Variants in SGCG observed in about 807,000 individuals in gnomAD.
The protein encoded by SGCG is sarcoglycan gamma.
A neutral mutation model predicts 29.3 loss-of-function variants in SGCG; 26 were observed. That is an observed-to-expected ratio of 0.89 (90% confidence interval 0.65 to 1.23). The LOEUF is 1.23. Ranked by LOEUF, SGCG falls within the 50% of genes most tolerant of loss-of-function variation. The pLI is 0.00. For missense variants in SGCG, 353 were observed against 356.0 expected (o/e 0.99, Z 0.07); for synonymous variants, 145 against 129.7 (o/e 1.12, Z -0.80).
At chr13:23,262,873 G>A (rs1880498416) in intron 4 of SGCG, among the ~76,000 whole-genome samples, 1 of 151,892 alleles carries the variant, frequency 6.6e-6, no homozygotes, top group Non-Finnish European at 1.5e-5. Context: ...TTATACAAAT[G>A]TATGGAAATT....
chr13:23,281,184 A>G (rs1050659220), intron 5 of SGCG, among the ~76,000 whole-genome samples: 2 of 152,032 alleles, frequency 1.3e-5, no homozygotes, highest in Non-Finnish European at 2.9e-5. Flanking sequence ...AAGAAAAAGT[A>G]CAAAAATTAT....
intron 4 of SGCG, among the ~76,000 whole-genome samples, chr13:23,260,289 C>G (rs1012170508): frequency 6.6e-6 from 1 of 152,108 alleles, no homozygotes; most frequent in Non-Finnish European, 1.5e-5. Context: ...ATCCCTTTAC[C>G]ATTATGTAAT....
At chr13:23,245,926 G>T (rs767776400) in intron 3 of SGCG, 3 of 152,340 alleles carry the variant, frequency 2.0e-5, no homozygotes, top group Non-Finnish European at 4.4e-5. Context: ...TGGAGTGTCA[G>T]AGCCTCTGTA....
At chr13:23,315,884 G>A (rs1157924178) in intron 6 of SGCG, among the ~76,000 whole-genome samples, 1 of 152,154 alleles carries the variant, frequency 6.6e-6, no homozygotes, top group African/African-American at 2.4e-5. Context: ...TCCCATGTGA[G>A]TGCTCACCAA....
intron 4 of SGCG, chr13:23,267,987 G>A (rs1250528412): frequency 1.3e-5 from 2 of 152,500 alleles, no homozygotes; most frequent in East Asian, 1.9e-4. Flanking sequence ...AAGAACAGTA[G>A]CAGAGATATT....
intron 6 of SGCG, among the ~76,000 whole-genome samples, chr13:23,306,427 G>C (rs1040176600): frequency 6.6e-6 from 1 of 152,152 alleles, no homozygotes; most frequent in African/African-American, 2.4e-5. Context: ...TTGGCCAACT[G>C]TATTTCCCTA....
chr13:23,256,957 C>G (rs1469473588), intron 4 of SGCG, among the ~76,000 whole-genome samples: 2 of 152,156 alleles, frequency 1.3e-5, no homozygotes, highest in East Asian at 3.9e-4. Flanking sequence ...TCGCCACACT[C>G]TCTTCCACAA....
At chr13:23,170,054 T>C in the SGCG span, 3 of 152,176 alleles carry the variant, frequency 2.0e-5, no homozygotes, top group Non-Finnish European at 4.4e-5. Context: ...TGTGTCTTTC[T>C]AGTGGCAGAA....
intron 3 of SGCG, chr13:23,244,960 C>T (rs1009210285): frequency 4.6e-5 from 7 of 152,160 alleles, no homozygotes; most frequent in East Asian, 3.9e-4. Context: ...ACAGGTGCCC[C>T]GGGAGCTCAG....
At chr13:23,239,895 CAAAGAG>C (rs954847942) in intron 3 of SGCG, among the ~76,000 whole-genome samples, 5 of 151,928 alleles carry the variant, frequency 3.3e-5, no homozygotes, top group African/African-American at 1.2e-4. Context: ...GCAAAGGAAA[CAAAGAG>C]AAAATTAGTT....
At chr13:23,182,994 T>C (rs17078411) in intron 1 of SGCG, among the ~76,000 whole-genome samples, 5,157 of 152,306 alleles carry the variant, frequency 0.034, 213 homozygotes, top group African/African-American at 0.094. Context: ...TTTAACTCTG[T>C]TTTTAAAATG....
At chr13:23,306,799 A>G (rs1882376829) in intron 6 of SGCG, among the ~76,000 whole-genome samples, 1 of 152,250 alleles carries the variant, frequency 6.6e-6, no homozygotes, top group South Asian at 2.1e-4. Flanking sequence ...AAAAAAGTAC[A>G]TATCATCAAT....
intron 4 of SGCG, among the ~76,000 whole-genome samples, chr13:23,259,379 G>A (rs988202225): frequency 1.1e-4 from 17 of 151,870 alleles, no homozygotes; most frequent in African/African-American, 3.4e-4. Flanking sequence ...CTGTGGGATC[G>A]GTGGAGATAT....
intron 4 of SGCG, among the ~76,000 whole-genome samples, chr13:23,270,387 G>C (rs1880825699): frequency 6.6e-6 from 1 of 152,142 alleles, no homozygotes; most frequent in South Asian, 2.1e-4. Flanking sequence ...GGTGAGAAAT[G>C]GCATGTCAGT....
Position 23,203,843 on chromosome 13 carries a change from AT to A in SGCG, c.152del (p.Leu51Ter), listed in dbSNP as rs1877870267. On this transcript the variant is annotated frameshift_variant, in exon 2 of 8. Coordinates refer to ENST00000218867, the MANE Select transcript of SGCG (RefSeq NM_000231.3). LOFTEE classifies it high-confidence loss of function. ...VLLLLIILVVNLALTIWILKV... is the reference protein window; with the variant it reads ...VLLLLIILVVXLALTIWILKV... ...CTTTTACTCATCATCCTCGTTGTGA[AT>A]TTAGCTCTTACAATTTGGATTCTTA... 3 of 1,614,064 alleles carry A rather than the reference AT, an allele frequency of 1.9e-6. No individual in the cohort carries two copies. Among genetic ancestry groups the A allele is most frequent in the Non-Finnish European group, 2.5e-6 (3 of 1,179,920 alleles).
intron 4 of SGCG, among the ~76,000 whole-genome samples, chr13:23,275,484 C>G (rs1446319495): frequency 7.0e-6 from 1 of 143,878 alleles, no homozygotes; most frequent in Non-Finnish European, 1.5e-5. Context: ...GCCTGGGCGA[C>G]AGAGCGAGAC....
At chr13:23,301,693 C>G (rs939768373) in intron 6 of SGCG, among the ~76,000 whole-genome samples, 1 of 152,114 alleles carries the variant, frequency 6.6e-6, no homozygotes, top group Non-Finnish European at 1.5e-5. Flanking sequence ...TTGAGACCAG[C>G]CTGGCCAACA....
the SGCG span, among the ~76,000 whole-genome samples, chr13:23,174,291 C>T: frequency 8.5e-5 from 13 of 152,122 alleles, no homozygotes; most frequent in South Asian, 2.1e-4. Context: ...ACACCAATAC[C>T]GCAGAAAAAG....
At chr13:23,209,376 C>T (rs1186044221) in intron 2 of SGCG, among the ~76,000 whole-genome samples, 1 of 152,152 alleles carries the variant, frequency 6.6e-6, no homozygotes, top group East Asian at 1.9e-4. Context: ...AGAAAGTAAA[C>T]CCTTGCTAGA....
Sources: allele counts gnomAD v4.1 joint callset (sites outside exome capture counted in the v4.1 genomes callset), GRCh38; gene constraint gnomAD v4.1.1; transcripts MANE v1.5; gene names NCBI Gene and HGNC (gene_info 2026-07-23, HGNC 2026-07-21).